Variants in AFTPH observed in about 807,000 individuals in gnomAD.
The protein encoded by AFTPH is aftiphilin.
In AFTPH, 7 loss-of-function variants were observed where a neutral mutation model predicts 72.5. The ratio of observed to expected loss-of-function variants is 0.10; its 90% CI spans 0.05 to 0.18. AFTPH has a LOEUF of 0.18. Among genes scored for constraint, AFTPH ranks in the 10% least tolerant of loss-of-function variants. The probability of loss-of-function intolerance (pLI) is 1.00; values close to 1 mark genes in which losing one functional copy is unlikely to be tolerated. For missense variants in AFTPH, 979 were observed against 1,060.5 expected (o/e 0.92, Z 1.07); for synonymous variants, 337 against 370.1 (o/e 0.91, Z 1.03).
intron 2 of AFTPH, among the ~76,000 whole-genome samples, chr2:64,557,100 G>A (rs1321661055): frequency 6.6e-6 from 1 of 151,992 alleles, no homozygotes; most frequent in Non-Finnish European, 1.5e-5. Context: ...TCTGTCCTGG[G>A]AAGCCAGGAA....
At chr2:64,550,730 C>CACACA (rs1299044267) in intron 1 of AFTPH, among the ~76,000 whole-genome samples, 1 of 140,262 alleles carries the variant, frequency 7.1e-6, no homozygotes, top group Middle Eastern at 3.5e-3. Flanking sequence ...CACACACACA[C>CACACA]AACTGGTGAA....
chr2:64,566,774 TA>T (rs200436619), intron 2 of AFTPH, among the ~76,000 whole-genome samples: 28 of 144,768 alleles, frequency 1.9e-4, no homozygotes, highest in Middle Eastern at 3.6e-3. Flanking sequence ...AAAAATACTT[TA>T]AAAAAAAAAA....
intron 7 of AFTPH, among the ~76,000 whole-genome samples, chr2:64,584,421 T>C (rs1369485043): frequency 1.3e-5 from 2 of 152,080 alleles, no homozygotes; most frequent in South Asian, 2.1e-4. Context: ...TTTGAACTAA[T>C]GACTACCAGA....
chr2:64,549,297 G>A (rs1670872563), intron 1 of AFTPH, among the ~76,000 whole-genome samples: 1 of 113,432 alleles, frequency 8.8e-6, no homozygotes, highest in Admixed American at 9.4e-5. Flanking sequence ...GACTTTGGCT[G>A]TTAGTCCTCC....
intron 1 of AFTPH, among the ~76,000 whole-genome samples, chr2:64,540,914 G>T (rs964231254): frequency 1.3e-5 from 2 of 151,862 alleles, no homozygotes; most frequent in African/African-American, 4.8e-5. Context: ...GTTACTTGGA[G>T]GTTTCAGAAA....
intron 1 of AFTPH, among the ~76,000 whole-genome samples, chr2:64,539,406 C>A (rs1274962777): frequency 6.6e-6 from 1 of 152,074 alleles, no homozygotes; most frequent in East Asian, 1.9e-4. Flanking sequence ...AATGTACTGC[C>A]CCTCTTAACA....
intron 1 of AFTPH, among the ~76,000 whole-genome samples, chr2:64,544,141 C>T (rs1030130): frequency 0.37 from 56,237 of 151,996 alleles, 10,687 homozygotes; most frequent in African/African-American, 0.46. Context: ...GTTTGCACTT[C>T]TATTAATTAT....
intron 2 of AFTPH, among the ~76,000 whole-genome samples, chr2:64,566,291 T>C (rs1184144153): frequency 1.3e-5 from 2 of 152,206 alleles, no homozygotes; most frequent in South Asian, 2.1e-4. Context: ...CACACATGAA[T>C]ATAATTATGA....
In AFTPH at chr2:64,572,937, C is replaced by G. The variant is rs775552785; in HGVS notation, c.2272-9C>G. 13 of 1,613,844 alleles carry G rather than the reference C, an allele frequency of 8.1e-6. No individual in the cohort carries two copies. The highest frequency in any genetic ancestry group is 1.1e-5 in the Non-Finnish European group (13 of 1,179,864). On this transcript the variant is annotated splice_polypyrimidine_tract_variant and intron_variant, in intron 5 of 8. Coordinates refer to ENST00000238856, the Ensembl canonical transcript of AFTPH. The stretch of plus-strand genomic sequence containing the variant: ...CCATCCCCATTAAAGGCTAATATTC[C>G]TTTTTCAGGGTATGTTAGAGCCCAC...
intron 7 of AFTPH, among the ~76,000 whole-genome samples, chr2:64,583,925 AT>A (rs1673353199): frequency 6.6e-6 from 1 of 152,158 alleles, no homozygotes; most frequent in East Asian, 1.9e-4. Context: ...TCAGTTTCTG[AT>A]TTTTTAATTT....
chr2:64,543,847 C>G lies in AFTPH; in HGVS notation c.-32-7596C>G, dbSNP rs149587507. On this transcript the variant is annotated intron_variant, in intron 1 of 8. Coordinates refer to ENST00000238856, the Ensembl canonical transcript of AFTPH. ...GACCCCAGAGCTTACAACTTACAGACTCATCATCTCTTCTTTTCCATGACC... is the reference window on the plus strand; with the variant it reads ...GACCCCAGAGCTTACAACTTACAGAGTCATCATCTCTTCTTTTCCATGACC... Among the ~76,000 whole-genome samples the G allele has an allele frequency of 3.3e-3, 500 of 152,306 alleles. 1 individual carries two copies. The highest frequency in any genetic ancestry group is 0.011 in the African/African-American group (475 of 41,566).
chr2:64,578,337 A>C (rs1381425025), intron 6 of AFTPH, among the ~76,000 whole-genome samples: 1 of 152,214 alleles, frequency 6.6e-6, no homozygotes, highest in Non-Finnish European at 1.5e-5. Context: ...AAAAGACGAT[A>C]ACATTTTGAT....
intron 1 of AFTPH, among the ~76,000 whole-genome samples, chr2:64,541,838 C>G (rs1670273659): frequency 6.6e-6 from 1 of 152,034 alleles, no homozygotes; most frequent in Non-Finnish European, 1.5e-5. Context: ...AATTATAAAC[C>G]TCAGACATAT....
chr2:64,534,742 GTT>G (rs70937351), intron 1 of AFTPH, among the ~76,000 whole-genome samples: 2,298 of 140,042 alleles, frequency 0.016, 62 homozygotes, highest in African/African-American at 0.053. Flanking sequence ...CTTTAAGCTT[GTT>G]TTTTTTTTTT....
chr2:64,551,189 A>G (rs892548388), intron 1 of AFTPH, among the ~76,000 whole-genome samples: 25 of 152,118 alleles, frequency 1.6e-4, no homozygotes, highest in Non-Finnish European at 3.2e-4. Flanking sequence ...ATGTACTACC[A>G]GTGCTCTTGG....
intron 6 of AFTPH, among the ~76,000 whole-genome samples, chr2:64,575,294 A>G (rs1229417219): frequency 6.6e-6 from 1 of 152,168 alleles, no homozygotes; most frequent in African/African-American, 2.4e-5. Flanking sequence ...ACAGAATTGT[A>G]TGGTCCTTGC....
In AFTPH at chr2:64,541,972, A is replaced by G. The variant is rs893542156; in HGVS notation, c.-32-9471A>G. ...TGTTTTTCTTCTCCCTTTTATCACCATCCTTCTTTCTACAATATCTTTTCC... is the reference window on the plus strand; with the variant it reads ...TGTTTTTCTTCTCCCTTTTATCACCGTCCTTCTTTCTACAATATCTTTTCC... On this transcript the variant is annotated intron_variant, in intron 1 of 8. Transcript: ENST00000238856. 2.6e-5 allele frequency among the ~76,000 whole-genome samples: 4 copies of G among 152,146 alleles called. No homozygotes were observed. In the East Asian group the frequency reaches 7.7e-4, roughly 29 times the overall value.
At chr2:64,592,522 C>A (rs1452588362) in exon 9 of AFTPH, 1 of 152,598 alleles carries the variant, frequency 6.6e-6, no homozygotes, top group Non-Finnish European at 1.5e-5. Flanking sequence ...TGATGGGTTT[C>A]AGATCTGGCT....
exon 9 of AFTPH, chr2:64,592,805 CAT>C (rs1294863083): frequency 6.6e-6 from 1 of 152,482 alleles, no homozygotes; most frequent in Non-Finnish European, 1.5e-5. Context: ...TGTAAAATGA[CAT>C]AATCATAGAT....
Sources: gnomAD v4.1 joint callset for allele counts (sites outside exome capture counted in the v4.1 genomes callset) on GRCh38, gnomAD v4.1.1 for gene constraint, MANE v1.5 for transcripts, NCBI Gene and HGNC (gene_info 2026-07-23, HGNC 2026-07-21) for gene names.